ADAMTSL1: variants seen among roughly 807,000 people sequenced by gnomAD.
The protein encoded by ADAMTSL1 is ADAMTS-like protein 1.
ADAMTSL1 carries 126 observed loss-of-function variants against 201.8 expected under a neutral mutation model. The ratio of observed to expected loss-of-function variants is 0.62; its 90% CI spans 0.54 to 0.72. The LOEUF is 0.72. Ranked by LOEUF, ADAMTSL1 falls within the 30% of genes least tolerant of loss-of-function variation. The pLI, the probability that ADAMTSL1 is intolerant of heterozygous loss-of-function variation, is 0.00. For synonymous variants in ADAMTSL1, 1,121 were observed against 903.4 expected (o/e 1.24, Z -4.32); for missense variants, 2,679 against 2,277.8 (o/e 1.18, Z -3.59).
intron 21 of ADAMTSL1, among the ~76,000 whole-genome samples, chr9:18,820,094 T>C (rs1824118603): frequency 6.6e-6 from 1 of 152,244 alleles, no homozygotes; most frequent in African/African-American, 2.4e-5. Flanking sequence ...ATACTCTAGC[T>C]TGAGAATTTG....
At chr9:17,938,677 A>G (rs1563908028) in intron 1 of ADAMTSL1, among the ~76,000 whole-genome samples, 1 of 152,138 alleles carries the variant, frequency 6.6e-6, no homozygotes, top group East Asian at 1.9e-4. Flanking sequence ...GTATGAGGAG[A>G]GATTTCCCAG....
chr9:18,261,019 T>C lies in ADAMTSL1; in HGVS notation c.207+97038T>C, dbSNP rs57450070. ...CCTCTTTTTTTCCTTTTTCTTTTTTTTTTTTTTTTGTGTGTCCTACAGAAA... is the reference window on the plus strand; with the variant it reads ...CCTCTTTTTTTCCTTTTTCTTTTTTCTTTTTTTTTGTGTGTCCTACAGAAA... On this transcript the variant is annotated intron_variant, in intron 2 of 29. Coordinates refer to the ADAMTSL1 transcript ENST00000680146. Among the ~76,000 whole-genome samples, 1,337 of 145,902 alleles carry C rather than the reference T, an allele frequency of 9.2e-3. 28 individuals are homozygous for C. Among genetic ancestry groups the C allele is most frequent in the African/African-American group, 0.033 (1,287 of 39,410 alleles).
chr9:18,007,045 T>C (rs1431687415), intron 1 of ADAMTSL1, among the ~76,000 whole-genome samples: 1 of 152,030 alleles, frequency 6.6e-6, no homozygotes, highest in Non-Finnish European at 1.5e-5. Flanking sequence ...ATTCCCCATT[T>C]TCAAATGTTT....
In ADAMTSL1 at chr9:18,104,343, G is replaced by A. The variant is rs192888623; in HGVS notation, c.88-59519G>A. The stretch of plus-strand genomic sequence containing the variant: ...GAAATTTTCACCCAAATAAAGGGAC[G>A]AAGTCAGGGATGAGCAATTCCACCC... On this transcript the variant is annotated intron_variant, in intron 1 of 29. Coordinates refer to the ADAMTSL1 transcript ENST00000680146. 7.0e-4 allele frequency among the ~76,000 whole-genome samples: 106 copies of A among 152,258 alleles called. 1 individual carries two copies. Among genetic ancestry groups the A allele is most frequent in the African/African-American group, 2.2e-3 (90 of 41,546 alleles).
At chr9:17,965,440 A>G (rs535902721) in intron 1 of ADAMTSL1, among the ~76,000 whole-genome samples, 19 of 152,302 alleles carry the variant, frequency 1.2e-4, no homozygotes, top group Admixed American at 4.6e-4. Context: ...AATTTCTGGC[A>G]TTGTGGAATA....
intron 2 of ADAMTSL1, among the ~76,000 whole-genome samples, chr9:18,514,807 A>G (rs186031555): frequency 4.3e-4 from 65 of 152,264 alleles, no homozygotes; most frequent in Non-Finnish European, 1.5e-5. Context: ...TACTGACCTA[A>G]GACTTTCAGT....
At chr9:18,361,221 A>G (rs1479713746) in intron 2 of ADAMTSL1, among the ~76,000 whole-genome samples, 1 of 152,172 alleles carries the variant, frequency 6.6e-6, no homozygotes, top group Non-Finnish European at 1.5e-5. Context: ...CAATAAGTGT[A>G]TTTTTCGATT....
At chr9:17,980,026 G>T (rs937800956) in intron 1 of ADAMTSL1, among the ~76,000 whole-genome samples, 2 of 152,076 alleles carry the variant, frequency 1.3e-5, no homozygotes, top group Non-Finnish European at 2.9e-5. Context: ...TGGGGTCACT[G>T]GTAAAGTTTT....
chr9:18,635,799 T>C, intron 5 of ADAMTSL1, 144 bp from the exon 6 acceptor site: 1 of 617,468 alleles, frequency 1.6e-6, no homozygotes, highest in South Asian at 2.2e-5. Flanking sequence ...AAAATGTTGA[T>C]TTCTAAATAT....
At chr9:18,758,942 T>C (rs1390543927) in intron 16 of ADAMTSL1, among the ~76,000 whole-genome samples, 1 of 152,206 alleles carries the variant, frequency 6.6e-6, no homozygotes, top group African/African-American at 2.4e-5. Context: ...GTATATATCA[T>C]ATGCATCAAT....
intron 2 of ADAMTSL1, among the ~76,000 whole-genome samples, chr9:18,529,820 C>T (rs1819323462): frequency 6.6e-6 from 1 of 152,124 alleles, no homozygotes; most frequent in African/African-American, 2.4e-5. Context: ...GAAGATAGTT[C>T]AGAGGCATCC....
At chr9:18,729,322 C>G (rs981568229) in intron 15 of ADAMTSL1, among the ~76,000 whole-genome samples, 7 of 152,116 alleles carry the variant, frequency 4.6e-5, no homozygotes, top group Non-Finnish European at 8.8e-5. Context: ...CAATTCTAAT[C>G]AGAAAAATAC....
At chr9:18,790,926 A>T (rs548754667) in intron 19 of ADAMTSL1, among the ~76,000 whole-genome samples, 2 of 152,272 alleles carry the variant, frequency 1.3e-5, no homozygotes, top group South Asian at 4.1e-4. Flanking sequence ...TACCCATTCT[A>T]TGTCCCCACA....
At chr9:18,200,483 C>G (rs554072996) in intron 2 of ADAMTSL1, among the ~76,000 whole-genome samples, 12 of 152,076 alleles carry the variant, frequency 7.9e-5, no homozygotes. Context: ...ATTACATAAC[C>G]CAAACACAGC....
At chr9:18,680,743 T>C in intron 11 of ADAMTSL1, 1 of 535,096 alleles carries the variant, frequency 1.9e-6, no homozygotes, top group Non-Finnish European at 3.3e-6. Context: ...GCCTCTATTG[T>C]TCCCCAGATA....
At chr9:18,592,116 C>T (rs149808803) in intron 4 of ADAMTSL1, among the ~76,000 whole-genome samples, 212 of 152,216 alleles carry the variant, frequency 1.4e-3, no homozygotes, top group African/African-American at 4.7e-3. Context: ...ATAATGGTTT[C>T]ACCAGGATTC....
At chr9:18,509,138 T>G (rs1817862374) in intron 2 of ADAMTSL1, among the ~76,000 whole-genome samples, 1 of 78,192 alleles carries the variant, frequency 1.3e-5, no homozygotes, top group Non-Finnish European at 2.4e-5. Flanking sequence ...GAGCCGAGAT[T>G]GCGCCACTGC....
chr9:18,427,482 ATAT>A (rs1819277824), intron 2 of ADAMTSL1, among the ~76,000 whole-genome samples: 1 of 152,234 alleles, frequency 6.6e-6, no homozygotes, highest in African/African-American at 2.4e-5. Flanking sequence ...CCATAAACAG[ATAT>A]TATAGGAAGT....
intron 16 of ADAMTSL1, among the ~76,000 whole-genome samples, chr9:18,761,369 C>T (rs374019983): frequency 1.9e-4 from 29 of 152,158 alleles, no homozygotes; most frequent in African/African-American, 5.8e-4. Context: ...TGTGTAGAGA[C>T]GTAATTGTTT....
Sources: gnomAD v4.1 joint callset for allele counts (sites outside exome capture counted in the v4.1 genomes callset) on GRCh38, gnomAD v4.1.1 for gene constraint, MANE v1.5 for transcripts, NCBI Gene and HGNC (gene_info 2026-07-23, HGNC 2026-07-21) for gene names.